NECAB1: variants seen among roughly 807,000 people sequenced by gnomAD.
NECAB1 encodes N-terminal EF-hand calcium binding protein 1, also known as N-terminal EF-hand calcium-binding protein 1.
Under a neutral mutation model 57.5 loss-of-function variants are expected in NECAB1, and 29 were observed. That is an observed-to-expected ratio of 0.50 (90% CI 0.38 to 0.69). NECAB1 has a LOEUF of 0.69. Among genes scored for constraint, NECAB1 ranks in the 30% least tolerant of loss-of-function variants. NECAB1 has a pLI of 0.00. For missense variants in NECAB1, 372 were observed against 413.8 expected (o/e 0.90, Z 0.88); for synonymous variants, 142 against 147.7 (o/e 0.96, Z 0.28).
At chr8:90,805,498 A>AT (rs142565900) in intron 2 of NECAB1, among the ~76,000 whole-genome samples, 16,961 of 150,548 alleles carry the variant, frequency 0.11, 1,537 homozygotes, top group African/African-American at 0.25. Context: ...TCTTGGAGAG[A>AT]TTTTTTTGGT....
intron 2 of NECAB1, 49 bp from the exon 3 acceptor site, chr8:90,824,668 A>G (rs1285473908): frequency 1.6e-6 from 2 of 1,235,170 alleles, no homozygotes; most frequent in Admixed American, 4.4e-5. Flanking sequence ...AAAACAGAAC[A>G]ATGTACAAAA....
chr8:90,885,920 T>C (rs1808972789), intron 5 of NECAB1, among the ~76,000 whole-genome samples: 1 of 152,170 alleles, frequency 6.6e-6, no homozygotes, highest in Non-Finnish European at 1.5e-5. Flanking sequence ...TAAGTAGGTG[T>C]CCAGAGCTCA....
chr8:90,911,973 T>G (rs2631033), intron 5 of NECAB1, among the ~76,000 whole-genome samples: 44,717 of 152,076 alleles, frequency 0.29, 7,282 homozygotes, highest in East Asian at 0.61. Context: ...AAATAGGGAT[T>G]TTAAAAGGTT....
chr8:90,891,417 C>T (rs1249667290), intron 5 of NECAB1, among the ~76,000 whole-genome samples: 2 of 152,070 alleles, frequency 1.3e-5, no homozygotes, highest in Non-Finnish European at 2.9e-5. Flanking sequence ...TTCCTACTTA[C>T]ATAATATGTA....
chr8:90,914,906 T>C (rs1809915444), intron 5 of NECAB1, among the ~76,000 whole-genome samples: 1 of 152,232 alleles, frequency 6.6e-6, no homozygotes, highest in African/African-American at 2.4e-5. Flanking sequence ...AGACATGACC[T>C]TTCTGTCAAA....
chr8:90,872,273 T>G (rs1808635221), intron 4 of NECAB1, 120 bp downstream of exon 4: 1 of 770,882 alleles, frequency 1.3e-6, no homozygotes, highest in South Asian at 2.3e-5. Context: ...AAAGGAAAAA[T>G]TAATCGAGAT....
At chr8:90,807,255 G>A (rs562192068) in intron 2 of NECAB1, among the ~76,000 whole-genome samples, 8 of 152,268 alleles carry the variant, frequency 5.3e-5, no homozygotes, top group Non-Finnish European at 1.0e-4. Flanking sequence ...TAGTATTTAT[G>A]TATTTAGAGA....
chr8:90,899,460 T>C (rs2130010702), intron 5 of NECAB1, among the ~76,000 whole-genome samples: 1 of 152,302 alleles, frequency 6.6e-6, no homozygotes, highest in Admixed American at 6.5e-5. Flanking sequence ...TCCCTGGGAA[T>C]AGAAAGATCT....
chr8:90,798,879 G>C (rs1308302148), intron 1 of NECAB1, among the ~76,000 whole-genome samples: 2 of 152,182 alleles, frequency 1.3e-5, no homozygotes, highest in Non-Finnish European at 2.9e-5. Flanking sequence ...TCTCCAAACT[G>C]CTTTCCATAG....
At chr8:90,879,574 A>G (rs527683060) in intron 4 of NECAB1, among the ~76,000 whole-genome samples, 1 of 152,180 alleles carries the variant, frequency 6.6e-6, no homozygotes, top group East Asian at 1.9e-4. Context: ...CATTTTTCTT[A>G]TGCTTTTTGC....
At chr8:90,818,667 G>A (rs1812096511) in intron 2 of NECAB1, among the ~76,000 whole-genome samples, 1 of 151,872 alleles carries the variant, frequency 6.6e-6, no homozygotes, top group African/African-American at 2.4e-5. Context: ...TTTCCTCTTT[G>A]TCTTTGGTAT....
At chr8:90,842,685 G>A (rs757074389) in intron 3 of NECAB1, among the ~76,000 whole-genome samples, 1 of 152,218 alleles carries the variant, frequency 6.6e-6, no homozygotes, top group Non-Finnish European at 1.5e-5. Flanking sequence ...GGCATTTTCT[G>A]TAACAACACA....
At chr8:90,833,033 C>T (rs1218797138) in intron 3 of NECAB1, among the ~76,000 whole-genome samples, 1 of 152,006 alleles carries the variant, frequency 6.6e-6, no homozygotes, top group African/African-American at 2.4e-5. Context: ...TAATTGCTGC[C>T]TTTTTCTCTT....
chr8:90,953,867 G>A (rs767172250), intron 12 of NECAB1, among the ~76,000 whole-genome samples: 17 of 152,128 alleles, frequency 1.1e-4, no homozygotes, highest in South Asian at 6.2e-4. Flanking sequence ...ACAGGAGATC[G>A]AGACCAGTGG....
chr8:90,861,509 A>G (rs1808375631), intron 3 of NECAB1, among the ~76,000 whole-genome samples: 1 of 152,322 alleles, frequency 6.6e-6, no homozygotes, highest in East Asian at 1.9e-4. Flanking sequence ...CCTGATGAAA[A>G]GTAATCAATT....
intron 5 of NECAB1, among the ~76,000 whole-genome samples, chr8:90,910,779 G>C (rs921311779): frequency 9.2e-5 from 14 of 152,134 alleles, no homozygotes; most frequent in Non-Finnish European, 2.1e-4. Context: ...GCCAGTTTCA[G>C]TTGCTATTCT....
chr8:90,850,610 T>G (rs535242881), intron 3 of NECAB1, among the ~76,000 whole-genome samples: 22 of 152,346 alleles, frequency 1.4e-4, no homozygotes, highest in African/African-American at 4.8e-4. Flanking sequence ...TCAGAATGTA[T>G]GCGCTATTGG....
chr8:90,950,606 C>A (rs1401964206), intron 11 of NECAB1, among the ~76,000 whole-genome samples: 1 of 152,028 alleles, frequency 6.6e-6, no homozygotes, highest in African/African-American at 2.4e-5. Context: ...TTCAGTTGAT[C>A]CATGTTTCAC....
intron 9 of NECAB1, among the ~76,000 whole-genome samples, chr8:90,936,919 G>A (rs111748166): frequency 2.6e-5 from 4 of 151,996 alleles, no homozygotes; most frequent in Admixed American, 6.6e-5. Context: ...TGTGATATAA[G>A]TACCACTATT....
Sources: gnomAD v4.1 joint callset for allele counts (sites outside exome capture counted in the v4.1 genomes callset) on GRCh38, gnomAD v4.1.1 for gene constraint, MANE v1.5 for transcripts, NCBI Gene and HGNC (gene_info 2026-07-23, HGNC 2026-07-21) for gene names.